Variants in ARID5B observed in about 807,000 individuals in gnomAD.
The protein encoded by ARID5B is AT-rich interaction domain 5B, also known as AT-rich interactive domain-containing protein 5B.
Under a neutral mutation model 97.2 loss-of-function variants are expected in ARID5B, and 13 were observed. That is an observed-to-expected ratio of 0.13 (90% CI 0.09 to 0.21). ARID5B has a LOEUF of 0.21. Ranked by LOEUF, ARID5B falls within the 10% of genes least tolerant of loss-of-function variation. The pLI, the probability that ARID5B is intolerant of heterozygous loss-of-function variation, is 1.00. For missense variants in ARID5B, 1,210 were observed against 1,465.3 expected, an observed-to-expected ratio of 0.83 and a Z score of 2.84; for synonymous variants, 556 against 570.3, an observed-to-expected ratio of 0.97 and a Z score of 0.36.
intron 3 of ARID5B, among the ~76,000 whole-genome samples, chr10:61,962,108 C>T (rs556656050): frequency 5.1e-4 from 78 of 152,324 alleles, no homozygotes; most frequent in African/African-American, 1.8e-3. Flanking sequence ...ATTGTTATTA[C>T]TACCAACTGG....
Position 62,057,093 on chromosome 10 carries a change from T to A in ARID5B, c.847-24T>A, listed in dbSNP as rs368304831. ...CATCCTGGGGCTGTGCCTCGTCTGA[T>A]GTGGTATATTTTCCCTTTTCCAGGT... On this transcript the variant is annotated intron_variant, in intron 5 of 9. Transcript: ENST00000279873. The A allele has an allele frequency of 1.4e-5, 22 of 1,611,940 alleles. No homozygotes were observed. In the African/African-American group the frequency reaches 2.9e-4, roughly 22 times the overall value.
chr10:62,006,497 G>A (rs77821694), intron 4 of ARID5B, among the ~76,000 whole-genome samples: 49 of 152,228 alleles, frequency 3.2e-4, no homozygotes, highest in African/African-American at 1.2e-3. Context: ...GTCACTCTTG[G>A]CACTTTCTCC....
At position 62,034,836 on chromosome 10, in the gene ARID5B, A is replaced by G. The variant is rs1363435624; in HGVS notation, c.734-16052A>G. Among the ~76,000 whole-genome samples the G allele has an allele frequency of 3.3e-5, 5 of 152,188 alleles. No homozygotes were observed. The South Asian group carries it at 8.3e-4, about 25-fold the overall frequency. ...TGCTCAGACTTTCATCGGTAGGCACATTTTTTTAGGCAGCTCTGCAGAGAT... is the reference window on the plus strand; with the variant it reads ...TGCTCAGACTTTCATCGGTAGGCACGTTTTTTTAGGCAGCTCTGCAGAGAT... On this transcript the variant is annotated intron_variant, in intron 4 of 9. Transcript: ENST00000279873.
chr10:62,091,199 T>C lies in ARID5B; in HGVS notation c.1736T>C (p.Leu579Pro), dbSNP rs779984640. 4 of 1,614,136 alleles carry C rather than the reference T, an allele frequency of 2.5e-6. No individual in the cohort carries two copies. Among genetic ancestry groups the C allele is most frequent in the Non-Finnish European group, 3.4e-6 (4 of 1,180,014 alleles). Reference sequence around the variant, plus strand: ...GTGGACTCAAAACAAGAATCCAAACTGTGCTGTTTTACAGAGAGCCCTGAA... The same window carrying C: ...GTGGACTCAAAACAAGAATCCAAACCGTGCTGTTTTACAGAGAGCCCTGAA... ...ALVDSKQESK[L>P]CCFTESPESE... Residue 579 changes from leucine (L) to proline (P), a missense_variant, in exon 10 of 10, where the codon CTG becomes CCG. Coordinates refer to ENST00000279873, the MANE Select transcript of ARID5B (RefSeq NM_032199.3).
chr10:61,975,724 G>A (rs556948093), intron 3 of ARID5B, among the ~76,000 whole-genome samples: 1 of 152,256 alleles, frequency 6.6e-6, no homozygotes, highest in African/African-American at 2.4e-5. Context: ...CTCTTACACT[G>A]TCTTTGGTGA....
chr10:62,089,946 G>A (rs1405922272), intron 9 of ARID5B, among the ~76,000 whole-genome samples: 1 of 152,142 alleles, frequency 6.6e-6, no homozygotes, highest in Admixed American at 6.6e-5. Flanking sequence ...TTTTGAAAGG[G>A]CTTGTCAGTC....
chr10:62,017,191 A>G (rs1839294762), intron 4 of ARID5B, among the ~76,000 whole-genome samples: 1 of 152,182 alleles, frequency 6.6e-6, no homozygotes, highest in African/African-American at 2.4e-5. Context: ...AACATATTTG[A>G]AAAAATAAGC....
At chr10:61,905,334 C>A (rs968508228) in intron 2 of ARID5B, among the ~76,000 whole-genome samples, 2 of 151,860 alleles carry the variant, frequency 1.3e-5, no homozygotes, top group African/African-American at 4.8e-5. Flanking sequence ...AATCATTCTG[C>A]CTTTTTATGA....
At chr10:61,925,214 AT>A (rs1325396473) in intron 2 of ARID5B, among the ~76,000 whole-genome samples, 1 of 152,110 alleles carries the variant, frequency 6.6e-6, no homozygotes. Flanking sequence ...GAAAAAAAAA[AT>A]TAAATGGTCA....
At chr10:61,907,324 C>T (rs1166049219) in intron 2 of ARID5B, among the ~76,000 whole-genome samples, 3 of 152,164 alleles carry the variant, frequency 2.0e-5, no homozygotes, top group Admixed American at 1.3e-4. Flanking sequence ...TAGTCTTGCT[C>T]TTCTCTTTGG....
At chr10:61,920,950 A>G (rs886307796) in intron 2 of ARID5B, among the ~76,000 whole-genome samples, 1 of 152,180 alleles carries the variant, frequency 6.6e-6, no homozygotes, top group Non-Finnish European at 1.5e-5. Flanking sequence ...AGAAATTTCT[A>G]TGGATACCCC....
intron 3 of ARID5B, among the ~76,000 whole-genome samples, chr10:61,961,150 C>T (rs1838465272): frequency 1.3e-5 from 2 of 152,106 alleles, no homozygotes; most frequent in South Asian, 4.1e-4. Flanking sequence ...ACCAATAACA[C>T]TGTTTTATTA....
At chr10:61,922,080 T>C (rs1844025687) in intron 2 of ARID5B, among the ~76,000 whole-genome samples, 1 of 152,234 alleles carries the variant, frequency 6.6e-6, no homozygotes, top group Non-Finnish European at 1.5e-5. Flanking sequence ...TAACTATAGA[T>C]GACATACACA....
At chr10:62,041,184 C>T (rs1412000749) in intron 4 of ARID5B, among the ~76,000 whole-genome samples, 2 of 152,132 alleles carry the variant, frequency 1.3e-5, no homozygotes, top group African/African-American at 4.8e-5. Context: ...CTCCAAGACA[C>T]ACGCTCTTCT....
intron 9 of ARID5B, among the ~76,000 whole-genome samples, chr10:62,089,322 T>G (rs1245979308): frequency 7.5e-5 from 11 of 145,766 alleles, no homozygotes; most frequent in East Asian, 2.0e-4. Flanking sequence ...AAATTCAGGG[T>G]TTTTTTTTTA....
chr10:61,911,391 T>G (rs1843801193), intron 2 of ARID5B, among the ~76,000 whole-genome samples: 1 of 152,218 alleles, frequency 6.6e-6, no homozygotes, highest in Non-Finnish European at 1.5e-5. Flanking sequence ...GATTTTGAAT[T>G]TTTTATTAAT....
chr10:61,934,104 C>G (rs1437145325), intron 2 of ARID5B, among the ~76,000 whole-genome samples: 1 of 152,254 alleles, frequency 6.6e-6, no homozygotes, highest in Non-Finnish European at 1.5e-5. Flanking sequence ...GTTACAGAGG[C>G]AGCTTCTTTC....
At chr10:62,074,779 T>C (rs988783064) in intron 8 of ARID5B, among the ~76,000 whole-genome samples, 2 of 152,188 alleles carry the variant, frequency 1.3e-5, no homozygotes, top group Non-Finnish European at 2.9e-5. Flanking sequence ...CCTAGACCAG[T>C]GCTACTCAAA....
intron 8 of ARID5B, among the ~76,000 whole-genome samples, chr10:62,071,059 C>T (rs1379203573): frequency 4.4e-5 from 5 of 112,376 alleles, no homozygotes; most frequent in Middle Eastern, 0.018. Context: ...TTTTTTGAGA[C>T]GGAGTCTTCC....
Sources: gnomAD v4.1 joint callset for allele counts (sites outside exome capture counted in the v4.1 genomes callset) on GRCh38, gnomAD v4.1.1 for gene constraint, MANE v1.5 for transcripts, NCBI Gene and HGNC (gene_info 2026-07-23, HGNC 2026-07-21) for gene names.